The following MED12L variants were observed in gnomAD, a reference collection of about 807,000 sequenced individuals.
MED12L encodes the protein mediator of RNA polymerase II transcription subunit 12-like protein.
In MED12L, 60 loss-of-function variants were observed where a neutral mutation model predicts 281.3. The observed-to-expected ratio is 0.21, with a 90% confidence interval of 0.17 to 0.26. The LOEUF (loss-of-function observed/expected upper bound fraction) is 0.26, where lower values mean the gene tolerates loss of function less well. MED12L is among the 10% of genes least tolerant of loss of function. The pLI is 1.00. For missense variants in MED12L, 2,146 were observed against 2,680.9 expected (o/e 0.80, Z 4.41); for synonymous variants, 974 against 987.2 (o/e 0.99, Z 0.25).
intron 16 of MED12L, among the ~76,000 whole-genome samples, chr3:151,202,883 G>T (rs973694604): frequency 1.1e-4 from 17 of 152,118 alleles, no homozygotes; most frequent in African/African-American, 3.9e-4. Context: ...ATTCAGTCTG[G>T]TGTCAATTAT....
At chr3:151,209,921 C>T (rs1726890864) in intron 16 of MED12L, among the ~76,000 whole-genome samples, 1 of 152,172 alleles carries the variant, frequency 6.6e-6, no homozygotes, top group Non-Finnish European at 1.5e-5. Flanking sequence ...AGAAAAGAAA[C>T]CAATTAAAAT....
At chr3:151,347,089 A>T (rs184554314) in intron 16 of MED12L, among the ~76,000 whole-genome samples, 2 of 152,246 alleles carry the variant, frequency 1.3e-5, no homozygotes, top group Non-Finnish European at 2.9e-5. Flanking sequence ...AACTTCTTAG[A>T]TACCTCTTCA....
intron 5 of MED12L, among the ~76,000 whole-genome samples, chr3:151,136,230 A>G (rs1267876937): frequency 6.6e-6 from 1 of 152,236 alleles, no homozygotes; most frequent in Non-Finnish European, 1.5e-5. Flanking sequence ...GACTGCAAAA[A>G]TAAGTCCTGC....
intron 16 of MED12L, among the ~76,000 whole-genome samples, chr3:151,321,449 A>G (rs1204159604): frequency 6.6e-6 from 1 of 152,196 alleles, no homozygotes; most frequent in African/African-American, 2.4e-5. Flanking sequence ...ATAAAAAAAG[A>G]CTTAAAGACC....
intron 5 of MED12L, among the ~76,000 whole-genome samples, chr3:151,155,857 A>C (rs1338166739): frequency 6.6e-6 from 1 of 152,190 alleles, no homozygotes; most frequent in Non-Finnish European, 1.5e-5. Context: ...AGATGGACCC[A>C]ATTCGAGAGT....
At chr3:151,359,125 C>T (rs1754304029) in intron 20 of MED12L, among the ~76,000 whole-genome samples, 1 of 152,056 alleles carries the variant, frequency 6.6e-6, no homozygotes, top group Non-Finnish European at 1.5e-5. Flanking sequence ...TTGTTCTCAT[C>T]CTTATGTCCA....
chr3:151,394,566 T>A (rs535191610), intron 38 of MED12L, 90 bp from the exon 39 acceptor site: 25 of 1,570,778 alleles, frequency 1.6e-5, no homozygotes, highest in Non-Finnish European at 2.1e-5. Flanking sequence ...AAAGTGAGAC[T>A]TAGAAGGTGA....
chr3:151,362,885 A>G (rs1156442190), intron 21 of MED12L, among the ~76,000 whole-genome samples: 1 of 152,182 alleles, frequency 6.6e-6, no homozygotes, highest in African/African-American at 2.4e-5. Flanking sequence ...CAATTTAAAA[A>G]TACTTAACAT....
intron 16 of MED12L, among the ~76,000 whole-genome samples, chr3:151,269,239 A>G (rs1400202660): frequency 6.6e-6 from 1 of 152,102 alleles, no homozygotes; most frequent in Admixed American, 6.5e-5. Flanking sequence ...CATCTCTACT[A>G]AAAATACAAA....
chr3:151,169,126 T>TTTTTTTTTTTGTTTG (rs1721105106), intron 11 of MED12L, among the ~76,000 whole-genome samples: 1 of 141,748 alleles, frequency 7.1e-6, no homozygotes, highest in African/African-American at 2.7e-5. Context: ...TTTTTTGTTT[T>TTTTTTTTTTTGTTTG]TTTTTTTTTG....
At chr3:151,364,877 A>T (rs1015986941) in intron 21 of MED12L, 102 bp from the exon 22 acceptor site, 1 of 784,930 alleles carries the variant, frequency 1.3e-6, no homozygotes, top group Non-Finnish European at 2.2e-6. Context: ...TTCTCTAGGA[A>T]TGCATTACAG....
chr3:151,384,241 T>G, intron 35 of MED12L, 23 bp downstream of exon 35: 1 of 1,581,854 alleles, frequency 6.3e-7, no homozygotes. Flanking sequence ...TCAGCCTGTA[T>G]TATGAGCTCA....
intron 2 of MED12L, among the ~76,000 whole-genome samples, chr3:151,095,521 C>T (rs112994455): frequency 0.04 from 6,028 of 152,022 alleles, 402 homozygotes; most frequent in African/African-American, 0.14. Flanking sequence ...TATTTTTAGT[C>T]GAGATGGACT....
At chr3:151,117,639 C>A (rs1215143090) in intron 3 of MED12L, among the ~76,000 whole-genome samples, 1 of 152,136 alleles carries the variant, frequency 6.6e-6, no homozygotes, top group Non-Finnish European at 1.5e-5. Context: ...TAAAATACTT[C>A]ATTGCCACTC....
chr3:151,169,106 G>GTTTTTTTTTTTTTTTGTTTT (rs965869044), intron 11 of MED12L, among the ~76,000 whole-genome samples: 3 of 115,948 alleles, frequency 2.6e-5, no homozygotes, highest in Non-Finnish European at 3.6e-5. Flanking sequence ...CTTTTTCTTT[G>GTTTTTTTTTTTTTTTGTTTT]TTTTTTTTTT....
chr3:151,289,116 C>T (rs1743924337), intron 16 of MED12L, among the ~76,000 whole-genome samples: 1 of 152,120 alleles, frequency 6.6e-6, no homozygotes, highest in African/African-American at 2.4e-5. Context: ...AAATTTGAAT[C>T]ACAGGCATAT....
chr3:151,167,198 A>G (rs1258806518), intron 11 of MED12L, among the ~76,000 whole-genome samples: 1 of 152,214 alleles, frequency 6.6e-6, no homozygotes, highest in Non-Finnish European at 1.5e-5. Flanking sequence ...TCTCACACAT[A>G]TCTAGCAATA....
chr3:151,286,173 C>G (rs1447427723), intron 16 of MED12L, among the ~76,000 whole-genome samples: 1 of 152,136 alleles, frequency 6.6e-6, no homozygotes, highest in Non-Finnish European at 1.5e-5. Flanking sequence ...TCACATGGCT[C>G]TACCTCCTGA....
intron 16 of MED12L, among the ~76,000 whole-genome samples, chr3:151,267,311 G>C (rs1559960337): frequency 6.6e-6 from 1 of 152,182 alleles, no homozygotes; most frequent in Non-Finnish European, 1.5e-5. Context: ...GGAAATGGTA[G>C]TCATTGAAAT....
Sources: gnomAD v4.1 joint callset for allele counts (sites outside exome capture counted in the v4.1 genomes callset) on GRCh38, gnomAD v4.1.1 for gene constraint, MANE v1.5 for transcripts, NCBI Gene and HGNC (gene_info 2026-07-23, HGNC 2026-07-21) for gene names.